Variants in DCDC1 observed in about 807,000 individuals in gnomAD.
The protein encoded by DCDC1 is doublecortin domain containing 1, also known as doublecortin domain-containing protein 1.
DCDC1 carries 200 observed loss-of-function variants against 178.3 expected under a neutral mutation model. The observed-to-expected ratio is 1.12, with a 90% CI of 1.00 to 1.26. DCDC1 has a LOEUF of 1.26. Among genes scored for constraint, DCDC1 ranks in the 50% most tolerant of loss-of-function variants. DCDC1 has a pLI of 0.00. For missense variants in DCDC1, 1,983 were observed against 1,749.2 expected, an observed-to-expected ratio of 1.13 and a Z score of -2.38; for synonymous variants, 690 against 604.8, an observed-to-expected ratio of 1.14 and a Z score of -2.07.
At chr11:31,236,298 C>T (rs991836391) in intron 9 of DCDC1, among the ~76,000 whole-genome samples, 12 of 152,022 alleles carry the variant, frequency 7.9e-5, no homozygotes, top group Non-Finnish European at 1.5e-4. Flanking sequence ...TCGATCTCCA[C>T]ATATCCTCTT....
At position 30,903,637 on chromosome 11, in the gene DCDC1, G is replaced by A. The variant is rs150546314; in HGVS notation, c.4355C>T (p.Ser1452Phe). 4.3e-6 allele frequency: 7 copies of A among 1,610,770 alleles called. No individual in the cohort carries two copies. The highest frequency in any genetic ancestry group is 2.2e-5 in the East Asian group (1 of 44,810). Residue 1452 changes from serine (S) to phenylalanine (F), a missense_variant, in exon 32 of 39, where the codon TCC becomes TTC. Ser to Phe is a radical substitution (Grantham distance 155). Transcript: ENST00000684477. ...TEQLGLARAA[S>F]KVYTKDGTPI... ...GGTTCCATCTTTGGTATATACTTTG[G>A]AGGCTGCTCTGGCAAGCCCAAGTTG...
intron 9 of DCDC1, among the ~76,000 whole-genome samples, chr11:31,211,868 G>T (rs1413679577): frequency 6.6e-6 from 1 of 152,058 alleles, no homozygotes; most frequent in Non-Finnish European, 1.5e-5. Context: ...GGATCACGAG[G>T]TCAGGAGATC....
At chr11:31,308,813 A>G (rs935347858) in intron 3 of DCDC1, among the ~76,000 whole-genome samples, 1 of 152,210 alleles carries the variant, frequency 6.6e-6, no homozygotes. Context: ...GTGATCACAC[A>G]TAGAGGATAG....
chr11:30,865,699 C>A (rs273586), intron 38 of DCDC1, among the ~76,000 whole-genome samples: 1 of 151,798 alleles, frequency 6.6e-6, no homozygotes, highest in African/African-American at 2.4e-5. Context: ...TAAAATTGAT[C>A]GATAAGTCTT....
chr11:31,256,619 ATTTG>A (rs1489626462), intron 8 of DCDC1, among the ~76,000 whole-genome samples: 1 of 152,064 alleles, frequency 6.6e-6, no homozygotes, highest in Non-Finnish European at 1.5e-5. Context: ...GGGCTTTAAG[ATTTG>A]TTTGTTTGCC....
intron 6 of DCDC1, among the ~76,000 whole-genome samples, chr11:31,304,977 AT>A (rs747514213): frequency 6.6e-6 from 1 of 152,238 alleles, no homozygotes; most frequent in African/African-American, 2.4e-5. Flanking sequence ...GAAAAATGTT[AT>A]TTTTTTAAAT....
chr11:31,145,716 C>T (rs141294401), intron 9 of DCDC1, among the ~76,000 whole-genome samples: 38 of 152,252 alleles, frequency 2.5e-4, no homozygotes, highest in South Asian at 1.7e-3. Flanking sequence ...GCCTGGCAGA[C>T]GTGATTCTCA....
In DCDC1 at chr11:31,151,521, T is replaced by C. The variant is rs192174929; in HGVS notation, c.1222-13737A>G. On this transcript the variant is annotated intron_variant, in intron 9 of 38. Transcript: ENST00000684477. Reference sequence around the variant, plus strand: ...CCTAACCTCTACTTCATCTCTAGGATTATCAAAAACAGCACCCAATGTCAT... The same window carrying C: ...CCTAACCTCTACTTCATCTCTAGGACTATCAAAAACAGCACCCAATGTCAT... 2.0e-4 allele frequency among the ~76,000 whole-genome samples: 30 copies of C among 152,264 alleles called. 1 individual carries two copies. In the East Asian group the frequency reaches 5.6e-3, roughly 28 times the overall value.
At chr11:31,310,894 G>A (rs1287243610) in intron 3 of DCDC1, among the ~76,000 whole-genome samples, 2 of 152,052 alleles carry the variant, frequency 1.3e-5, no homozygotes, top group Non-Finnish European at 2.9e-5. Context: ...CTCCTGCAGG[G>A]CACAAAAATT....
intron 9 of DCDC1, among the ~76,000 whole-genome samples, chr11:31,184,712 A>G (rs1471634940): frequency 1.3e-5 from 2 of 152,244 alleles, no homozygotes; most frequent in African/African-American, 2.4e-5. Flanking sequence ...CAAAACCACA[A>G]TGAGATACCA....
chr11:31,036,622 T>C (rs1257840039), intron 20 of DCDC1, among the ~76,000 whole-genome samples: 1 of 152,212 alleles, frequency 6.6e-6, no homozygotes, highest in Admixed American at 6.5e-5. Context: ...TGTGCACTTG[T>C]CCCTTGGTAT....
At chr11:31,234,767 T>G (rs2136821071) in intron 9 of DCDC1, among the ~76,000 whole-genome samples, 1 of 152,236 alleles carries the variant, frequency 6.6e-6, no homozygotes, top group South Asian at 2.1e-4. Flanking sequence ...GGATGTCAGG[T>G]GAAGATAGAA....
intron 10 of DCDC1, among the ~76,000 whole-genome samples, chr11:31,135,009 T>A (rs921421535): frequency 1.2e-4 from 18 of 152,172 alleles, no homozygotes; most frequent in African/African-American, 3.1e-4. Flanking sequence ...AATAAAAAAA[T>A]TTTTAAAAAA....
chr11:30,945,697 AATC>A (rs1244761768), intron 21 of DCDC1, among the ~76,000 whole-genome samples: 4 of 146,630 alleles, frequency 2.7e-5, no homozygotes, highest in Non-Finnish European at 4.5e-5. Context: ...CCATCTCAAA[AATC>A]TATCTATCTA....
At chr11:31,194,167 T>C (rs2136373695) in intron 9 of DCDC1, among the ~76,000 whole-genome samples, 1 of 152,240 alleles carries the variant, frequency 6.6e-6, no homozygotes, top group African/African-American at 2.4e-5. Flanking sequence ...AGTTAAGTTT[T>C]TTCAGCATAT....
intron 20 of DCDC1, among the ~76,000 whole-genome samples, chr11:30,987,632 G>A (rs1950730465): frequency 6.6e-6 from 1 of 151,572 alleles, no homozygotes; most frequent in Admixed American, 6.6e-5. Flanking sequence ...AAGAAAAAAT[G>A]AGCCATATGA....
intron 3 of DCDC1, among the ~76,000 whole-genome samples, chr11:31,315,349 G>A (rs868060535): frequency 1.9e-5 from 2 of 104,884 alleles, no homozygotes; most frequent in East Asian, 3.3e-4. Context: ...ACAGAGTCTC[G>A]CTCTGTCACC....
intron 30 of DCDC1, among the ~76,000 whole-genome samples, chr11:30,905,910 C>A (rs1422782400): frequency 6.6e-6 from 1 of 152,174 alleles, no homozygotes; most frequent in Admixed American, 6.6e-5. Context: ...CTGAAGAGCA[C>A]ACCAGACTGG....
At chr11:30,888,417 A>T (rs1377207010) in intron 36 of DCDC1, among the ~76,000 whole-genome samples, 1 of 152,144 alleles carries the variant, frequency 6.6e-6, no homozygotes, top group Admixed American at 6.5e-5. Context: ...TCATATTATG[A>T]CCTTTAAAGA....
Sources: gnomAD v4.1 joint callset for allele counts (sites outside exome capture counted in the v4.1 genomes callset) on GRCh38, gnomAD v4.1.1 for gene constraint, MANE v1.5 for transcripts, NCBI Gene and HGNC (gene_info 2026-07-23, HGNC 2026-07-21) for gene names.